The following NCOA2 variants were observed in gnomAD, a reference collection of about 807,000 sequenced individuals.
NCOA2 encodes the protein class E basic helix-loop-helix protein 75.
NCOA2 carries 21 observed loss-of-function variants against 145.1 expected under a neutral mutation model. The observed-to-expected ratio is 0.14, with a 90% CI of 0.10 to 0.21. The LOEUF (loss-of-function observed/expected upper bound fraction) is 0.21. Ranked by LOEUF, NCOA2 falls within the 10% of genes least tolerant of loss-of-function variation. The pLI, the probability that NCOA2 is intolerant of heterozygous loss-of-function variation, is 1.00. For synonymous variants in NCOA2, 619 were observed against 637.5 expected (o/e 0.97, Z 0.44); for missense variants, 1,472 against 1,837.6 (o/e 0.80, Z 3.64).
chr8:70,319,412 T>A (rs1805868112), intron 1 of NCOA2, among the ~76,000 whole-genome samples: 1 of 151,906 alleles, frequency 6.6e-6, no homozygotes, highest in Admixed American at 6.6e-5. Flanking sequence ...CATGGTGGTG[T>A]AGGACCATGG....
chr8:70,411,434 T>C, the NCOA2 span, among the ~76,000 whole-genome samples: 1 of 152,206 alleles, frequency 6.6e-6, no homozygotes, highest in Non-Finnish European at 1.5e-5. Context: ...GGGAGGTCAA[T>C]ATAGAAAAAT....
chr8:70,142,374 T>C (rs1004909233), intron 13 of NCOA2, among the ~76,000 whole-genome samples: 1 of 152,140 alleles, frequency 6.6e-6, no homozygotes, highest in Non-Finnish European at 1.5e-5. Flanking sequence ...TGTGCTGTGA[T>C]GATTAAGGGT....
chr8:70,145,526 T>A (rs1041076864), intron 12 of NCOA2, among the ~76,000 whole-genome samples: 1 of 152,088 alleles, frequency 6.6e-6, no homozygotes, highest in Non-Finnish European at 1.5e-5. Flanking sequence ...TTTCACCATG[T>A]TGGCCAGGAT....
At chr8:70,213,413 G>C (rs1322809279) in intron 4 of NCOA2, among the ~76,000 whole-genome samples, 3 of 152,180 alleles carry the variant, frequency 2.0e-5, no homozygotes, top group African/African-American at 4.8e-5. Context: ...CTTACTGGAG[G>C]TTAGAGACTT....
chr8:70,185,820 A>G (rs1816006680), intron 4 of NCOA2, among the ~76,000 whole-genome samples: 2 of 152,226 alleles, frequency 1.3e-5, no homozygotes, highest in South Asian at 2.1e-4. Flanking sequence ...AAGTGGGTAT[A>G]TGAGAATAGG....
chr8:70,149,585 A>C (rs1479866552), intron 11 of NCOA2, among the ~76,000 whole-genome samples: 1 of 151,978 alleles, frequency 6.6e-6, no homozygotes, highest in African/African-American at 2.4e-5. Flanking sequence ...TTCCATTAAA[A>C]AAAAAAACAA....
At chr8:70,328,987 ACT>A (rs933062555) in intron 1 of NCOA2, among the ~76,000 whole-genome samples, 3 of 151,806 alleles carry the variant, frequency 2.0e-5, no homozygotes, top group Admixed American at 2.0e-4. Flanking sequence ...AGGATCTCAC[ACT>A]CTGTCACCCA....
the NCOA2 span, among the ~76,000 whole-genome samples, chr8:70,435,297 C>G: frequency 6.7e-6 from 1 of 149,674 alleles, no homozygotes; most frequent in Admixed American, 6.7e-5. Context: ...TGGTGGTGGG[C>G]GCCTGTAATC....
intron 9 of NCOA2, among the ~76,000 whole-genome samples, chr8:70,161,848 T>C (rs145128626): frequency 2.3e-4 from 35 of 151,880 alleles, no homozygotes; most frequent in African/African-American, 7.2e-4. Flanking sequence ...AAGGACAGTC[T>C]CCCTCCCCAA....
intron 2 of NCOA2, among the ~76,000 whole-genome samples, chr8:70,283,111 A>G (rs1474906677): frequency 1.3e-5 from 2 of 152,246 alleles, no homozygotes. Context: ...TTTATCTTCT[A>G]GTGAACACAT....
chr8:70,283,095 T>C (rs1318571548), intron 2 of NCOA2, among the ~76,000 whole-genome samples: 3 of 152,250 alleles, frequency 2.0e-5, no homozygotes, highest in Non-Finnish European at 2.9e-5. Context: ...ACTCAGGATC[T>C]ACTAGTTTAT....
At chr8:70,314,022 T>C (rs909086001) in intron 1 of NCOA2, among the ~76,000 whole-genome samples, 9 of 150,342 alleles carry the variant, frequency 6.0e-5, no homozygotes, top group South Asian at 2.1e-4. Context: ...TATATATATA[T>C]ACAAAAAATT....
At position 70,362,196 on chromosome 8, in the gene NCOA2, G is replaced by A. The variant is rs117880295; in HGVS notation, c.-77+41504C>T. ...TATGTGTTTATGTGAGCAAAGGGGAGAATATAGAAAGGCCAAGTCAAACAA... is the reference window on the plus strand; with the variant it reads ...TATGTGTTTATGTGAGCAAAGGGGAAAATATAGAAAGGCCAAGTCAAACAA... On this transcript the variant is annotated intron_variant, in intron 1 of 22. Transcript: ENST00000452400. 5.3e-5 allele frequency among the ~76,000 whole-genome samples: 8 copies of A among 152,144 alleles called. No homozygotes were observed. The East Asian group carries it at 1.5e-3, about 29-fold the overall frequency.
At chr8:70,244,672 TAATA>T (rs1438111056) in intron 2 of NCOA2, among the ~76,000 whole-genome samples, 1 of 152,142 alleles carries the variant, frequency 6.6e-6, no homozygotes, top group Non-Finnish European at 1.5e-5. Context: ...ATTTATTCCT[TAATA>T]ATTAAGATTT....
At chr8:70,427,411 G>A in the NCOA2 span, among the ~76,000 whole-genome samples, 1 of 152,108 alleles carries the variant, frequency 6.6e-6, no homozygotes, top group Non-Finnish European at 1.5e-5. Flanking sequence ...TGATCTACTA[G>A]AATCAGATAT....
upstream of NCOA2, among the ~76,000 whole-genome samples, chr8:70,407,839 A>G (rs1814806241): frequency 6.6e-6 from 1 of 152,104 alleles, no homozygotes. Flanking sequence ...AAAAGAATGA[A>G]TAAATGAATG....
the NCOA2 span, among the ~76,000 whole-genome samples, chr8:70,428,040 A>G: frequency 1.3e-5 from 2 of 152,214 alleles, no homozygotes; most frequent in East Asian, 1.9e-4. Context: ...TGAATAAAAT[A>G]TACTTGAATC....
the NCOA2 span, among the ~76,000 whole-genome samples, chr8:70,439,039 A>G: frequency 1.3e-5 from 2 of 152,352 alleles, no homozygotes; most frequent in Non-Finnish European, 2.9e-5. Flanking sequence ...GTAAAGTAAT[A>G]GTTACTCCAT....
chr8:70,360,938 A>T (rs182604495), intron 1 of NCOA2, among the ~76,000 whole-genome samples: 32 of 142,162 alleles, frequency 2.3e-4, no homozygotes, highest in African/African-American at 7.4e-4. Context: ...TGGAGATTCC[A>T]GCTCAAAAAA....
Sources: allele counts gnomAD v4.1 joint callset (sites outside exome capture counted in the v4.1 genomes callset), GRCh38; gene constraint gnomAD v4.1.1; transcripts MANE v1.5; gene names NCBI Gene and HGNC (gene_info 2026-07-23, HGNC 2026-07-21).